Variants in LAMC2 observed in about 807,000 individuals in gnomAD.
LAMC2 encodes the protein laminin subunit gamma 2.
LAMC2 carries 97 observed loss-of-function variants against 140.2 expected under a neutral mutation model. That is an observed-to-expected ratio of 0.69 (90% CI 0.59 to 0.82). The LOEUF (loss-of-function observed/expected upper bound fraction) is 0.82. Among genes scored for constraint, LAMC2 ranks in the 40% least tolerant of loss-of-function variants. The pLI, the probability that LAMC2 is intolerant of heterozygous loss-of-function variation, is 0.00. For synonymous variants in LAMC2, 513 were observed against 540.2 expected, an observed-to-expected ratio of 0.95 and a Z score of 0.70; for missense variants, 1,402 against 1,476.1, an observed-to-expected ratio of 0.95 and a Z score of 0.82.
At position 183,227,537 on chromosome 1, in the gene LAMC2, G is replaced by A. The variant is rs768471299; in HGVS notation, c.1308G>A (p.Glu436=). The stretch of plus-strand genomic sequence containing the variant: ...CAGGAGATTGTTATTCAGGGGATGA[G>A]AATCCTGACATTGAGTGTGCTGACT... ...PDTGDCYSGD[E]NPDIECADCP... Residue 436 remains glutamate (E), a synonymous_variant, in exon 10 of 23, where the codon GAG becomes GAA. Transcript: ENST00000264144. The A allele has an allele frequency of 1.9e-6, 3 of 1,614,144 alleles. No homozygotes were observed. Among genetic ancestry groups the A allele is most frequent in the Non-Finnish European group, 2.5e-6 (3 of 1,180,030 alleles).
chr1:183,242,419 C>A (rs993589869), intron 22 of LAMC2, among the ~76,000 whole-genome samples: 1 of 152,186 alleles, frequency 6.6e-6, no homozygotes, highest in Non-Finnish European at 1.5e-5. Flanking sequence ...GCAACTTGAC[C>A]TTGAGTTCGA....
At position 183,244,577 on chromosome 1, in the gene LAMC2, A is replaced by C. The variant is rs1660203824; in HGVS notation, c.*1177A>C. 1 of 152,680 alleles carries C rather than the reference A, an allele frequency of 6.5e-6. No homozygotes were observed. The highest frequency in any genetic ancestry group is 2.4e-5 in the African/African-American group (1 of 41,472). 9.5% of individuals were successfully genotyped at this position (152,680 alleles called of 1,614,324 possible). ...AAACTTACAAACTTTGTTTGTCACA[A>C]GTGGTGTTTATTGCAATAACCGCTT... is the stretch of plus-strand genomic sequence containing the variant. On this transcript the variant is annotated 3_prime_UTR_variant, in exon 23 of 23. Coordinates refer to ENST00000264144, the MANE Select transcript of LAMC2 (RefSeq NM_005562.3).
intron 2 of LAMC2, 48 bp downstream of exon 2, chr1:183,208,117 A>C (rs544851711): frequency 2.7e-6 from 4 of 1,489,362 alleles, no homozygotes; most frequent in African/African-American, 2.8e-5. Flanking sequence ...AGCAGTGGGG[A>C]GACAAGAGGG....
At chr1:183,188,879 T>C (rs1658237821) in intron 1 of LAMC2, among the ~76,000 whole-genome samples, 1 of 152,168 alleles carries the variant, frequency 6.6e-6, no homozygotes, top group African/African-American at 2.4e-5. Context: ...GCCACCAATA[T>C]GCTTGTGAAG....
At chr1:183,248,404 T>C (rs1356366759), downstream of LAMC2, 1 of 152,662 alleles carries the variant, frequency 6.6e-6, no homozygotes, top group Admixed American at 6.5e-5. Flanking sequence ...AAGCAAATCT[T>C]ACTCTTAAAA....
chr1:183,252,810 C>T, the LAMC2 span: 2 of 1,110,620 alleles, frequency 1.8e-6, no homozygotes, highest in Non-Finnish European at 1.4e-6. Context: ...GACTGGCATG[C>T]CCCTGTCTCC....
chr1:183,246,538 G>A (rs1337268446), downstream of LAMC2, among the ~76,000 whole-genome samples: 1 of 152,180 alleles, frequency 6.6e-6, no homozygotes, highest in African/African-American at 2.4e-5. Flanking sequence ...AACTGTTAGG[G>A]ACCTCTGTTT....
intron 1 of LAMC2, among the ~76,000 whole-genome samples, chr1:183,203,579 C>T (rs994003975): frequency 1.4e-5 from 2 of 145,680 alleles, no homozygotes; most frequent in African/African-American, 2.5e-5. Context: ...TTTTCAAACA[C>T]ATTAATGATG....
At chr1:183,229,952 C>T (rs1241889525) in intron 11 of LAMC2, among the ~76,000 whole-genome samples, 2 of 152,150 alleles carry the variant, frequency 1.3e-5, no homozygotes, top group South Asian at 2.1e-4. Context: ...TGTAACATAC[C>T]TATTATATTA....
intron 1 of LAMC2, 34 bp from the exon 2 acceptor site, chr1:183,207,847 T>TTC: frequency 6.4e-7 from 1 of 1,571,434 alleles, no homozygotes; most frequent in South Asian, 1.1e-5. Context: ...TTTTTTTTTT[T>TTC]TTTGACGATC....
chr1:183,245,734 T>C (rs1015186663), downstream of LAMC2, among the ~76,000 whole-genome samples: 3 of 152,192 alleles, frequency 2.0e-5, no homozygotes, highest in African/African-American at 7.2e-5. Context: ...AAGGAGAAAA[T>C]GCATTGTCGG....
intron 1 of LAMC2, among the ~76,000 whole-genome samples, chr1:183,206,975 A>G (rs779348708): frequency 6.6e-6 from 1 of 152,240 alleles, no homozygotes; most frequent in Non-Finnish European, 1.5e-5. Context: ...ATGAAATCGC[A>G]TATGCAAAGG....
chr1:183,240,014 G>A (rs746973333), intron 20 of LAMC2, 26 bp from the exon 21 acceptor site: 58 of 1,613,786 alleles, frequency 3.6e-5, no homozygotes, highest in Middle Eastern at 1.6e-4. Flanking sequence ...CTCTCCTTCC[G>A]TCCCTGGCTC....
chr1:183,236,213 A>G (rs1438921195), intron 16 of LAMC2, among the ~76,000 whole-genome samples: 1 of 151,642 alleles, frequency 6.6e-6, no homozygotes, highest in Non-Finnish European at 1.5e-5. Context: ...AACAGGGTGA[A>G]ATTTTGCTTT....
In LAMC2 at chr1:183,243,433, TG is replaced by T. The variant is rs1322650186; in HGVS notation, c.*36del. 2 of 1,614,102 alleles carry T rather than the reference TG, an allele frequency of 1.2e-6. No homozygotes were observed. Among genetic ancestry groups the T allele is most frequent in the Non-Finnish European group, 1.7e-6 (2 of 1,179,974 alleles). On this transcript the variant is annotated 3_prime_UTR_variant, in exon 23 of 23. Transcript: ENST00000264144. The stretch of plus-strand genomic sequence containing the variant: ...ATAAATATTTCTCAACTGAGGTTCT[TG>T]GGATACAGATCTCAGGGCTCGGGAG...
chr1:183,186,343 C>T lies in LAMC2; in HGVS notation c.-10C>T, dbSNP rs368355711. 25 of 1,590,714 alleles carry T rather than the reference C, an allele frequency of 1.6e-5. No individual in the cohort carries two copies. Among genetic ancestry groups the T allele is most frequent in the Admixed American group, 8.6e-5 (5 of 58,336 alleles). ...CAGCGGAGACAGAGACTGAGCGGCC[C>T]GGCCCCGCCATGCCTGCGCTCTGGC... On this transcript the variant is annotated 5_prime_UTR_variant, in exon 1 of 23. Coordinates refer to ENST00000264144, the MANE Select transcript of LAMC2 (RefSeq NM_005562.3).
rs1195666028 is a variant in LAMC2 at position 183,232,818 on chromosome 1, G to C, written c.2181G>C (p.Gln727His). The change falls in exon 14 of 23, where the codon CAG becomes CAC. Residue 727 changes from glutamine (Q) to histidine (H), a missense_variant. Coordinates refer to ENST00000264144, the MANE Select transcript of LAMC2 (RefSeq NM_005562.3). ...CTCACAGGCTCATCACTCAGATGCA[G>C]CTGAGCCTGGCAGAAAGTGAAGCTT... ...RDTHRLITQM[Q>H]LSLAESEASL... 1 of 1,614,140 alleles carries C rather than the reference G, an allele frequency of 6.2e-7. No individual in the cohort carries two copies. Among genetic ancestry groups the C allele is most frequent in the African/African-American group, 1.3e-5 (1 of 75,052 alleles).
intron 15 of LAMC2, 129 bp downstream of exon 15, chr1:183,234,575 A>G: frequency 2.6e-6 from 2 of 779,186 alleles, no homozygotes; most frequent in Non-Finnish European, 4.4e-6. Context: ...GCCATTCCCT[A>G]CCTTGAAACC....
rs1033837947 is a variant in LAMC2 at position 183,218,427 on chromosome 1, G to A, written c.442G>A (p.Gly148Arg). Residue 148 changes from glycine to arginine, a missense_variant, in exon 4 of 23, where the codon GGG becomes AGG. Physicochemically the swap from Gly to Arg is moderately radical, Grantham distance 125 (BLOSUM62 -2). This residue lies in a region of LAMC2 where 723 missense variants were observed against 783.3 expected (regional missense o/e 0.92). Coordinates refer to ENST00000264144, the MANE Select transcript of LAMC2 (RefSeq NM_005562.3). ...KCDCDPAGIAGPCDAGRCVCK... is the reference protein window; with the variant it reads ...KCDCDPAGIARPCDAGRCVCK... ...TGACTGTGACCCAGCTGGCATCGCA[G>A]GGCCCTGTGACGCGGGCCGCTGTGT... The A allele has an allele frequency of 2.5e-6, 4 of 1,614,026 alleles. No individual in the cohort carries two copies. In the African/African-American group the frequency reaches 5.3e-5, roughly 22 times the overall value.
Sources: gnomAD v4.1 joint callset for allele counts (sites outside exome capture counted in the v4.1 genomes callset) on GRCh38, gnomAD v4.1.1 for gene constraint, gnomAD v4.1.1 regional missense constraint, MANE v1.5 for transcripts, NCBI Gene and HGNC (gene_info 2026-07-23, HGNC 2026-07-21) for gene names.